RAB39A: variants seen among roughly 807,000 people sequenced by gnomAD.
RAB39A encodes RAB39A, member RAS oncogene family, also known as ras-related protein Rab-39A.
In RAB39A, 17 loss-of-function variants were observed where a neutral mutation model predicts 20.9. That is an observed-to-expected ratio of 0.81 (90% CI 0.56 to 1.22). RAB39A has a LOEUF of 1.22. Among genes scored for constraint, RAB39A ranks in the 50% most tolerant of loss-of-function variants. RAB39A has a pLI of 0.00. For synonymous variants in RAB39A, 99 were observed against 103.4 expected, an observed-to-expected ratio of 0.96 and a Z score of 0.26; for missense variants, 234 against 270.5, an observed-to-expected ratio of 0.87 and a Z score of 0.95.
At chr11:107,946,250 T>C (rs1224006264) in intron 1 of RAB39A, among the ~76,000 whole-genome samples, 1 of 145,634 alleles carries the variant, frequency 6.9e-6, no homozygotes, top group Admixed American at 6.8e-5. Context: ...AAAAAAAACC[T>C]GTCCTTAATT....
chr11:107,949,441 C>T (rs1268692316), intron 1 of RAB39A, among the ~76,000 whole-genome samples: 2 of 152,024 alleles, frequency 1.3e-5, no homozygotes, highest in South Asian at 2.1e-4. Context: ...TGGAAAGATA[C>T]ATGAAATCAT....
chr11:107,934,717 A>C (rs1257602572), intron 1 of RAB39A, among the ~76,000 whole-genome samples: 1 of 117,316 alleles, frequency 8.5e-6, no homozygotes, highest in East Asian at 2.5e-4. Flanking sequence ...ACCTGAAGTC[A>C]GGAGTTCGAG....
At position 107,934,834 on chromosome 11, in the gene RAB39A, T is replaced by C. The variant is rs113681387; in HGVS notation, c.227+6039T>C. Reference sequence around the variant, plus strand: ...ATCCCAGCTACTCAGGAGGCTGAGGTGGGAGAATCGCTTGAACCCAGGAAG... The same window carrying C: ...ATCCCAGCTACTCAGGAGGCTGAGGCGGGAGAATCGCTTGAACCCAGGAAG... On this transcript the variant is annotated intron_variant, in intron 1 of 1. Transcript: ENST00000320578. Among the ~76,000 whole-genome samples the C allele has an allele frequency of 6.8e-3, 979 of 144,750 alleles. 10 individuals are homozygous for C. The highest frequency in any genetic ancestry group is 0.024 in the African/African-American group (932 of 39,194). 95.0% of individuals were successfully genotyped at this position (144,750 alleles called of 152,430 possible).
intron 1 of RAB39A, among the ~76,000 whole-genome samples, chr11:107,933,720 G>A (rs1048767216): frequency 3.4e-5 from 5 of 145,942 alleles, no homozygotes; most frequent in African/African-American, 1.3e-4. Flanking sequence ...TTGTGCAGTG[G>A]CGCAATCTCG....
intron 1 of RAB39A, among the ~76,000 whole-genome samples, chr11:107,949,209 G>T (rs1245727362): frequency 6.6e-6 from 1 of 152,068 alleles, no homozygotes; most frequent in Non-Finnish European, 1.5e-5. Context: ...TACTCGGGAG[G>T]CTGAGGCAGG....
At chr11:107,942,121 AG>A (rs1360122899) in intron 1 of RAB39A, among the ~76,000 whole-genome samples, 10 of 143,512 alleles carry the variant, frequency 7.0e-5, no homozygotes, top group African/African-American at 2.6e-4. Context: ...AAAAAAAAAA[AG>A]ACTGACATTT....
At chr11:107,960,663 G>A (rs1861487283) in intron 1 of RAB39A, among the ~76,000 whole-genome samples, 1 of 152,194 alleles carries the variant, frequency 6.6e-6, no homozygotes, top group South Asian at 2.1e-4. Flanking sequence ...GGATGGTGAA[G>A]CATTCAGAGC....
rs1861514188 is a variant in RAB39A at position 107,962,911 on chromosome 11, A to G, written c.*539A>G. The G allele has an allele frequency of 6.6e-6, 1 of 152,238 alleles. No homozygotes were observed. Among genetic ancestry groups the G allele is most frequent in the African/African-American group, 2.4e-5 (1 of 41,452 alleles). 9.4% of individuals were successfully genotyped at this position (152,238 alleles called of 1,614,324 possible). ...TGTCCTCCCTTAATTTTGCCTCAAC[A>G]CAAGAAAATAAGTTTTATGTCCATT... On this transcript the variant is annotated 3_prime_UTR_variant, in exon 2 of 2. Transcript: ENST00000320578.
intron 1 of RAB39A, among the ~76,000 whole-genome samples, chr11:107,944,773 G>A (rs556529638): frequency 6.6e-6 from 1 of 152,212 alleles, no homozygotes. Context: ...ATTGTCATCT[G>A]TGCCTAGGGT....
intron 1 of RAB39A, among the ~76,000 whole-genome samples, chr11:107,957,274 C>A (rs1449260310): frequency 5.9e-5 from 9 of 152,172 alleles, no homozygotes; most frequent in Admixed American, 3.3e-4. Context: ...AATGACCAAG[C>A]AGTTGGAAGA....
At chr11:107,931,134 A>T (rs1861133065) in intron 1 of RAB39A, among the ~76,000 whole-genome samples, 1 of 151,524 alleles carries the variant, frequency 6.6e-6, no homozygotes, top group Non-Finnish European at 1.5e-5. Context: ...GCACCACTAC[A>T]CCTGGCTAAT....
intron 1 of RAB39A, among the ~76,000 whole-genome samples, chr11:107,929,309 C>G (rs536122976): frequency 6.6e-6 from 1 of 152,296 alleles, no homozygotes; most frequent in South Asian, 2.1e-4. Flanking sequence ...AAGGAGCGCT[C>G]CAACCCAGGT....
At position 107,946,361 on chromosome 11, in the gene RAB39A, C is replaced by CAT. The variant is rs1361644253; in HGVS notation, c.228-15577_228-15576dup. Among the ~76,000 whole-genome samples, 53 of 129,606 alleles carry CAT rather than the reference C, an allele frequency of 4.1e-4. 1 individual carries two copies. In the East Asian group the frequency reaches 0.01, roughly 25 times the overall value. The allele number at this position is 129,606 out of a possible 152,430, so 85.0% of individuals were successfully genotyped here. A position where few individuals can be genotyped will look rare whatever the true frequency, so the allele number is the denominator to read the frequency against. On this transcript the variant is annotated intron_variant, in intron 1 of 1. Transcript: ENST00000320578. The stretch of plus-strand genomic sequence containing the variant: ...ACACACACATATATATACACACACA[C>CAT]ATATATATACACACATATATATGTG...
rs1338404128 is a variant in RAB39A, at chr11:107,930,262, A to G, written c.227+1467A>G. ...TTTTCAAGAAGCCTCCTTTTATTAA[A>G]ATAATTTTTCAAATGTTTGATTCCT... On this transcript the variant is annotated intron_variant, in intron 1 of 1. Coordinates refer to ENST00000320578, the MANE Select transcript of RAB39A (RefSeq NM_017516.3). Among the ~76,000 whole-genome samples, 3 of 152,302 alleles carry G rather than the reference A, an allele frequency of 2.0e-5. No individual in the cohort carries two copies. The East Asian group carries it at 5.8e-4, about 29-fold the overall frequency.
intron 1 of RAB39A, among the ~76,000 whole-genome samples, chr11:107,958,718 T>C (rs1005910327): frequency 7.0e-6 from 1 of 142,390 alleles, no homozygotes; most frequent in Non-Finnish European, 1.6e-5. Flanking sequence ...TTTTATTCTG[T>C]AGGATGATTT....
intron 1 of RAB39A, among the ~76,000 whole-genome samples, chr11:107,947,280 T>C (rs1260599514): frequency 6.6e-6 from 1 of 152,040 alleles, no homozygotes; most frequent in Non-Finnish European, 1.5e-5. Context: ...TTTGTTTTTC[T>C]GTATTTTTAG....
intron 1 of RAB39A, among the ~76,000 whole-genome samples, chr11:107,936,145 C>T (rs1237314806): frequency 1.3e-5 from 2 of 152,064 alleles, no homozygotes; most frequent in Non-Finnish European, 2.9e-5. Context: ...AGTGATCCGC[C>T]CACCTCGGCC....
intron 1 of RAB39A, among the ~76,000 whole-genome samples, chr11:107,946,325 TACACACACACACACAC>T (rs57242917): frequency 5.7e-5 from 5 of 87,292 alleles, no homozygotes; most frequent in African/African-American, 1.5e-4. Context: ...TATATATATA[TACACACACACACACAC>T]ACATATATAT....
chr11:107,962,019 T>C lies in RAB39A; in HGVS notation c.301T>C (p.Phe101Leu). Residue 101 changes from phenylalanine (F) to leucine (L), a missense_variant, in exon 2 of 2, where the codon TTT (phenylalanine) becomes CTT (leucine). Physicochemically the swap from Phe to Leu is conservative, Grantham distance 22. Coordinates refer to ENST00000320578, the MANE Select transcript of RAB39A (RefSeq NM_017516.3). ...LVFDITNRRS[F>L]EHVKDWLEEA... is the part of the protein sequence containing the mutation. ...ATTTGACATTACTAACCGACGATCT[T>C]TTGAACATGTGAAAGATTGGCTAGA... 1 of 1,614,032 alleles carries C rather than the reference T, an allele frequency of 6.2e-7. No individual in the cohort carries two copies. The highest frequency in any genetic ancestry group is 1.1e-5 in the South Asian group (1 of 91,074).
Sources: gnomAD v4.1 joint callset for allele counts (sites outside exome capture counted in the v4.1 genomes callset) on GRCh38, gnomAD v4.1.1 for gene constraint, MANE v1.5 for transcripts, NCBI Gene and HGNC (gene_info 2026-07-23, HGNC 2026-07-21) for gene names.